ROBO1: variants seen among roughly 807,000 people sequenced by gnomAD.
The protein encoded by ROBO1 is roundabout homolog 1.
Under a neutral mutation model 195.9 loss-of-function variants are expected in ROBO1, and 149 were observed. That is an observed-to-expected ratio of 0.76 (90% CI 0.67 to 0.87). The LOEUF is 0.87. Ranked by LOEUF, ROBO1 falls within the 40% of genes least tolerant of loss-of-function variation. The pLI is 0.00. For missense variants in ROBO1, 1,933 were observed against 2,068.3 expected, an observed-to-expected ratio of 0.93 and a Z score of 1.27; for synonymous variants, 816 against 733.2, an observed-to-expected ratio of 1.11 and a Z score of -1.82.
chr3:79,234,171 C>T (rs1189840908), intron 2 of ROBO1, among the ~76,000 whole-genome samples: 1 of 152,038 alleles, frequency 6.6e-6, no homozygotes, highest in African/African-American at 2.4e-5. Context: ...TTTTGTTGTG[C>T]AGAAGCACTT....
chr3:79,249,792 A>G (rs1428035900), intron 2 of ROBO1, among the ~76,000 whole-genome samples: 1 of 152,202 alleles, frequency 6.6e-6, no homozygotes, highest in African/African-American at 2.4e-5. Flanking sequence ...CACACAGTGT[A>G]GAAGAAAGAA....
intron 1 of ROBO1, among the ~76,000 whole-genome samples, chr3:79,629,370 A>G (rs1342171662): frequency 2.6e-5 from 4 of 152,156 alleles, no homozygotes; most frequent in Non-Finnish European, 5.9e-5. Flanking sequence ...ATACAAATAC[A>G]TGGAACCTAA....
At chr3:78,688,215 T>C (rs1450989016) in intron 9 of ROBO1, among the ~76,000 whole-genome samples, 1 of 152,192 alleles carries the variant, frequency 6.6e-6, no homozygotes, top group East Asian at 1.9e-4. Flanking sequence ...GAATTTCATA[T>C]AGCTTAATGA....
At chr3:78,915,471 A>AT (rs1485238754) in intron 4 of ROBO1, among the ~76,000 whole-genome samples, 1 of 152,158 alleles carries the variant, frequency 6.6e-6, no homozygotes, top group African/African-American at 2.4e-5. Context: ...ATTAACATAG[A>AT]TTTTTATCTG....
At chr3:79,141,868 A>G (rs994915773) in intron 2 of ROBO1, among the ~76,000 whole-genome samples, 3 of 152,126 alleles carry the variant, frequency 2.0e-5, no homozygotes, top group Non-Finnish European at 4.4e-5. Context: ...TACTACATAT[A>G]CACTATTTAT....
chr3:79,226,435 T>C (rs1242783292), intron 2 of ROBO1, among the ~76,000 whole-genome samples: 1 of 152,156 alleles, frequency 6.6e-6, no homozygotes, highest in African/African-American at 2.4e-5. Flanking sequence ...GTAAACAACT[T>C]CCATTTCTGT....
At chr3:79,562,504 C>T (rs1942955079) in intron 2 of ROBO1, among the ~76,000 whole-genome samples, 1 of 151,786 alleles carries the variant, frequency 6.6e-6, no homozygotes, top group Non-Finnish European at 1.5e-5. Flanking sequence ...AAATCATCTG[C>T]CAAAAGATAG....
intron 2 of ROBO1, among the ~76,000 whole-genome samples, chr3:79,128,936 G>A (rs1164680715): frequency 6.6e-6 from 1 of 152,132 alleles, no homozygotes; most frequent in African/African-American, 2.4e-5. Flanking sequence ...AAATACTTGT[G>A]TTTCACACAG....
At chr3:79,729,159 T>C (rs1703044986) in intron 1 of ROBO1, among the ~76,000 whole-genome samples, 1 of 152,206 alleles carries the variant, frequency 6.6e-6, no homozygotes, top group African/African-American at 2.4e-5. Context: ...TCATTTTCAA[T>C]GTAAGGTTCT....
intron 8 of ROBO1, among the ~76,000 whole-genome samples, chr3:78,691,499 A>G (rs1160141327): frequency 6.6e-6 from 1 of 152,160 alleles, no homozygotes; most frequent in African/African-American, 2.4e-5. Context: ...TTAATTACTG[A>G]ACCAATCTCA....
chr3:79,063,510 CAAAAAA>C (rs11441603), intron 3 of ROBO1, among the ~76,000 whole-genome samples: 1 of 136,496 alleles, frequency 7.3e-6, no homozygotes, highest in African/African-American at 2.7e-5. Context: ...TTTCTCATTC[CAAAAAA>C]AAAAAAAAAA....
At chr3:78,718,320 G>A (rs73848369) in intron 5 of ROBO1, among the ~76,000 whole-genome samples, 1,837 of 152,216 alleles carry the variant, frequency 0.012, 35 homozygotes, top group African/African-American at 0.04. Flanking sequence ...ATGTATTCTA[G>A]CATTATATGA....
chr3:79,435,761 C>T (rs758490939), intron 2 of ROBO1, among the ~76,000 whole-genome samples: 247 of 152,154 alleles, frequency 1.6e-3, no homozygotes, highest in Middle Eastern at 6.3e-3. Context: ...TTTGAGCAAA[C>T]TTCCTGTTGA....
At chr3:79,538,536 A>G (rs960143931) in intron 2 of ROBO1, among the ~76,000 whole-genome samples, 1 of 152,104 alleles carries the variant, frequency 6.6e-6, no homozygotes, top group Non-Finnish European at 1.5e-5. Context: ...CTTGCCTCTC[A>G]GCTACTCAAA....
At chr3:79,617,405 C>T (rs913148550) in intron 1 of ROBO1, among the ~76,000 whole-genome samples, 3 of 151,986 alleles carry the variant, frequency 2.0e-5, no homozygotes, top group African/African-American at 4.8e-5. Flanking sequence ...GTTCATATGC[C>T]CAATACATTG....
At chr3:78,760,537 TCACAGCCTGTATAGAACCTCATCAATAAA>T (rs1375947544) in intron 4 of ROBO1, among the ~76,000 whole-genome samples, 2 of 152,294 alleles carry the variant, frequency 1.3e-5, no homozygotes, top group East Asian at 3.9e-4. Context: ...ACATACAGGC[TCACAGCCTGTATAGAACCTCATCAATAAA>T]CATGAATTAA....
chr3:79,018,382 G>A, intron 3 of ROBO1: 1 of 1,613,676 alleles, frequency 6.2e-7, no homozygotes, highest in African/African-American at 1.3e-5. Context: ...AGGATCAAGG[G>A]TGAAGAAAGA....
At chr3:78,982,139 G>A (rs1298210781) in intron 3 of ROBO1, among the ~76,000 whole-genome samples, 3 of 152,100 alleles carry the variant, frequency 2.0e-5, no homozygotes, top group Non-Finnish European at 4.4e-5. Context: ...AGAGCTCTGA[G>A]GACATTTGTC....
At chr3:78,956,038 A>G (rs184307927) in intron 3 of ROBO1, among the ~76,000 whole-genome samples, 109 of 152,326 alleles carry the variant, frequency 7.2e-4, no homozygotes, top group Middle Eastern at 3.4e-3. Context: ...ACTGAGAGGC[A>G]GCTTCTAATC....
Sources: allele counts gnomAD v4.1 joint callset (sites outside exome capture counted in the v4.1 genomes callset), GRCh38; gene constraint gnomAD v4.1.1; transcripts MANE v1.5; gene names NCBI Gene and HGNC (gene_info 2026-07-23, HGNC 2026-07-21).